The following NFATC2 variants were observed in gnomAD, a reference collection of about 807,000 sequenced individuals.
NFATC2 encodes the protein nuclear factor of activated T-cells, cytoplasmic 2.
In NFATC2, 22 loss-of-function variants were observed where a neutral mutation model predicts 87.3. The ratio of observed to expected loss-of-function variants is 0.25; its 90% confidence interval spans 0.18 to 0.36. The LOEUF (loss-of-function observed/expected upper bound fraction) is 0.36. NFATC2 is among the 10% of genes least tolerant of loss of function. NFATC2 has a pLI of 1.00. For missense variants in NFATC2, 1,149 were observed against 1,259.1 expected, an observed-to-expected ratio of 0.91 and a Z score of 1.32; for synonymous variants, 565 against 542.2, an observed-to-expected ratio of 1.04 and a Z score of -0.58.
In NFATC2 at chr20:51,523,880, G is replaced by T. The variant is rs748784893; in HGVS notation, c.361C>A (p.Leu121Met). ...PRIEITPSHE[L>M]IQAVGPLRMR... ...CGGAGGGGCCCCACTGCCTGGATCA[G>T]TTCGTGGGACGGAGTGATCTCGATC... Residue 121 changes from leucine (L) to methionine (M), a missense_variant, in exon 2 of 11, where the codon CTG becomes ATG. Physicochemically the swap from Leu to Met is conservative, Grantham distance 15 (BLOSUM62 2). Transcript: ENST00000371564. The surrounding 1 kb of genome is among the most constrained non-coding windows in gnomAD (Gnocchi z 6.9). 6.2e-7 allele frequency: 1 copy of T among 1,608,066 alleles called. No homozygotes were observed. Among genetic ancestry groups the T allele is most frequent in the South Asian group, 1.1e-5 (1 of 90,480 alleles).
chr20:51,455,438 C>G (rs995064400), intron 5 of NFATC2, among the ~76,000 whole-genome samples: 2 of 151,820 alleles, frequency 1.3e-5, no homozygotes, highest in Non-Finnish European at 2.9e-5. Context: ...GCTTCTTTAA[C>G]CCACCCCATC....
At chr20:51,536,343 G>C (rs2076719651) in intron 1 of NFATC2, among the ~76,000 whole-genome samples, 1 of 152,086 alleles carries the variant, frequency 6.6e-6, no homozygotes, top group Admixed American at 6.6e-5. Flanking sequence ...CAGGGACCTA[G>C]AATGCTCAGT....
upstream of NFATC2, chr20:51,542,750 G>GGT (rs1555819091): frequency 1.8e-6 from 1 of 567,904 alleles, no homozygotes; most frequent in Non-Finnish European, 2.0e-6. Flanking sequence ...CCGGGGAGGC[G>GGT]GGGGGGGGGG....
chr20:51,546,605 A>G (rs2076891658), upstream of NFATC2, among the ~76,000 whole-genome samples: 1 of 152,172 alleles, frequency 6.6e-6, no homozygotes, highest in South Asian at 2.1e-4. Flanking sequence ...AGTGCAACAG[A>G]AAGCTAGTGA....
In NFATC2 at chr20:51,430,452, G is replaced by A. The variant is rs988415105; in HGVS notation, c.2722+1615C>T. 7.2e-5 allele frequency among the ~76,000 whole-genome samples: 11 copies of A among 152,328 alleles called. No individual in the cohort carries two copies. The South Asian group carries it at 1.2e-3, about 17-fold the overall frequency. On this transcript the variant is annotated intron_variant, in intron 9 of 10. Transcript: ENST00000371564. ...AAGGATGGATTGTATGCAGGTGTCCGTTTCAAAACAGAGCACCATGACTTT... is the reference window on the plus strand; with the variant it reads ...AAGGATGGATTGTATGCAGGTGTCCATTTCAAAACAGAGCACCATGACTTT...
At chr20:51,492,506 G>A (rs182902641) in intron 3 of NFATC2, among the ~76,000 whole-genome samples, 1 of 152,204 alleles carries the variant, frequency 6.6e-6, no homozygotes, top group African/African-American at 2.4e-5. Flanking sequence ...CATTTAATGC[G>A]AACCAAACAC....
rs542710098 is a variant in NFATC2, at chr20:51,391,286, G to A, written c.*210C>T. On this transcript the variant is annotated 3_prime_UTR_variant, in exon 11 of 11. Transcript: ENST00000371564. ...CCGCTTAGTGCCCATACATTGATCC[G>A]CGTGTGGACTCCGGGCTGGGAGATG... The A allele has an allele frequency of 2.5e-5, 28 of 1,142,002 alleles. No individual in the cohort carries two copies. Among genetic ancestry groups the A allele is most frequent in the South Asian group, 1.7e-4 (14 of 81,398 alleles). The allele number at this position is 1,142,002 out of a possible 1,614,324, so 70.7% of individuals were successfully genotyped here.
At chr20:51,496,792 C>T (rs371714026) in intron 3 of NFATC2, among the ~76,000 whole-genome samples, 8 of 152,174 alleles carry the variant, frequency 5.3e-5, no homozygotes, top group Admixed American at 4.6e-4. Context: ...CAACCAATCC[C>T]CTTGTGACCT....
At chr20:51,561,068 G>A (rs987846890) in intron 1 of NFATC2, among the ~76,000 whole-genome samples, 1 of 151,794 alleles carries the variant, frequency 6.6e-6, no homozygotes, top group Non-Finnish European at 1.5e-5. Context: ...ACCCTTTCTC[G>A]CCCTTAATAT....
At chr20:51,431,902 C>T (rs1982768002) in intron 9 of NFATC2, among the ~76,000 whole-genome samples, 165 bp downstream of exon 9, 1 of 152,110 alleles carries the variant, frequency 6.6e-6, no homozygotes, top group Non-Finnish European at 1.5e-5. Flanking sequence ...TTGCACAGAG[C>T]TAGGGGTGGC....
At chr20:51,501,170 T>G (rs971698830) in intron 3 of NFATC2, among the ~76,000 whole-genome samples, 1 of 151,934 alleles carries the variant, frequency 6.6e-6, no homozygotes, top group Non-Finnish European at 1.5e-5. Context: ...CAGACAACAC[T>G]TCCTCTATAC....
intron 8 of NFATC2, among the ~76,000 whole-genome samples, chr20:51,433,462 G>A (rs564485507): frequency 1.2e-4 from 19 of 152,290 alleles, no homozygotes; most frequent in African/African-American, 4.3e-4. Context: ...AAATGTGTGT[G>A]CAAAGCACTG....
upstream of NFATC2, among the ~76,000 whole-genome samples, chr20:51,543,917 C>G (rs1303746882): frequency 6.7e-6 from 1 of 149,444 alleles, no homozygotes; most frequent in East Asian, 2.0e-4. Flanking sequence ...TCACCTGGGA[C>G]ACCTTTTTAA....
intron 1 of NFATC2, among the ~76,000 whole-genome samples, chr20:51,553,346 C>A (rs1427565701): frequency 6.6e-6 from 1 of 152,196 alleles, no homozygotes; most frequent in African/African-American, 2.4e-5. Context: ...TGCTTTCTAG[C>A]ACGTTCCCCT....
chr20:51,484,342 C>T (rs1427550258), intron 3 of NFATC2, among the ~76,000 whole-genome samples: 1 of 152,166 alleles, frequency 6.6e-6, no homozygotes, highest in Non-Finnish European at 1.5e-5. Context: ...ACGCCCTTCC[C>T]ACTGTCCCTC....
intron 1 of NFATC2, 30 bp downstream of exon 1, chr20:51,542,340 G>A (rs1308312905): frequency 6.3e-7 from 1 of 1,595,042 alleles, no homozygotes; most frequent in African/African-American, 1.4e-5. Flanking sequence ...GGCGGGCTCA[G>A]GGGCCAGGCC....
At chr20:51,532,122 A>G (rs572098787) in intron 1 of NFATC2, among the ~76,000 whole-genome samples, 1 of 152,022 alleles carries the variant, frequency 6.6e-6, no homozygotes, top group South Asian at 2.1e-4. Context: ...CATCTATACC[A>G]CTTACTTTAT....
chr20:51,526,697 T>C (rs2076551163), intron 1 of NFATC2, among the ~76,000 whole-genome samples: 3 of 152,096 alleles, frequency 2.0e-5, no homozygotes, highest in Non-Finnish European at 4.4e-5. Flanking sequence ...TGGGCTATCC[T>C]AGAGGAAATA....
At chr20:51,553,413 C>T (rs966720611) in intron 1 of NFATC2, among the ~76,000 whole-genome samples, 14 of 151,872 alleles carry the variant, frequency 9.2e-5, no homozygotes, top group Non-Finnish European at 1.2e-4. Context: ...CGGTGGCTCA[C>T]GCCTGTAATC....
Sources: allele counts gnomAD v4.1 joint callset (sites outside exome capture counted in the v4.1 genomes callset), GRCh38; gene constraint gnomAD v4.1.1; non-coding constraint Gnocchi (gnomAD v3.1); transcripts MANE v1.5; gene names NCBI Gene and HGNC (gene_info 2026-07-23, HGNC 2026-07-21).